SETD6: variants seen among roughly 807,000 people sequenced by gnomAD.
SETD6 encodes the protein SET domain containing 6, protein lysine methyltransferase.
SETD6 carries 67 observed loss-of-function variants against 52.7 expected under a neutral mutation model. The ratio of observed to expected loss-of-function variants is 1.27; its 90% CI spans 1.04 to 1.56. SETD6 has a LOEUF of 1.56. Ranked by LOEUF, SETD6 falls within the 40% of genes most tolerant of loss-of-function variation. The pLI, the probability that SETD6 is intolerant of heterozygous loss-of-function variation, is 0.00. For synonymous variants in SETD6, 307 were observed against 250.2 expected (o/e 1.23, Z -2.14); for missense variants, 712 against 607.5 (o/e 1.17, Z -1.81).
intron 5 of SETD6, chr16:58,517,167 T>A: frequency 1.8e-6 from 1 of 550,690 alleles, no homozygotes; most frequent in Non-Finnish European, 3.3e-6. Context: ...TGCTAGACAT[T>A]GAGTGGTCTG....
Position 58,518,171 on chromosome 16 carries a change from G to A in SETD6, c.913G>A (p.Asp305Asn), listed in dbSNP as rs1567376911. 5.6e-6 allele frequency: 9 copies of A among 1,614,196 alleles called. No individual in the cohort carries two copies. Among genetic ancestry groups the A allele is most frequent in the Non-Finnish European group, 6.8e-6 (8 of 1,180,046 alleles). Residue 305 changes from aspartate to asparagine, a missense_variant, in exon 6 of 8, where the codon GAC becomes AAC. Physicochemically the swap from Asp to Asn is conservative, Grantham distance 23. Coordinates refer to ENST00000219315, the MANE Select transcript of SETD6 (RefSeq NM_001160305.4). ...HMYGFVEPYP[D>N]NTDDTADIQM... ...GTACGGTTTTGTTGAACCATATCCT[G>A]ACAACACAGATGACACAGCTGACAT...
Position 58,518,849 on chromosome 16 carries a change from G to C in SETD6, c.1242G>C (p.Gln414His), listed in dbSNP as rs2039265413. Residue 414 changes from glutamine to histidine, a missense_variant, in exon 8 of 8, where the codon CAG becomes CAC. Physicochemically the swap from Gln to His is conservative, Grantham distance 24. Transcript: ENST00000219315. ...CCAAGCTCAAAGCATCGTGGAGACA[G>C]CTGCTTCAAAACAGTGTTCTACTGA... ...NIPKLKASWR[Q>H]LLQNSVLLTL... 3.1e-6 allele frequency: 5 copies of C among 1,614,190 alleles called. No individual in the cohort carries two copies. The highest frequency in any genetic ancestry group is 4.2e-6 in the Non-Finnish European group (5 of 1,180,036).
intron 5 of SETD6, chr16:58,517,138 A>T: frequency 1.5e-6 from 1 of 661,374 alleles, no homozygotes; most frequent in Non-Finnish European, 2.6e-6. Flanking sequence ...GATAAACTAT[A>T]CTACCATCAT....
intron 3 of SETD6, 35 bp from the exon 4 acceptor site, chr16:58,516,443 G>A: frequency 6.2e-7 from 1 of 1,613,446 alleles, no homozygotes; most frequent in East Asian, 2.2e-5. Flanking sequence ...GTGTGTGAAG[G>A]AATGAAGGGA....
Position 58,515,852 on chromosome 16 carries a change from G to A in SETD6, c.89G>A (p.Arg30Gln). The A allele has an allele frequency of 1.3e-6, 2 of 1,527,290 alleles. No individual in the cohort carries two copies. The highest frequency in any genetic ancestry group is 2.0e-5 in the Admixed American group (1 of 49,138). 94.6% of individuals were successfully genotyped at this position (1,527,290 alleles called of 1,614,324 possible). The change falls in exon 2 of 8, where the codon CGG (arginine) becomes CAG (glutamine). Residue 30 changes from arginine to glutamine, a missense_variant. Transcript: ENST00000219315. ...GTGGCCTGCTTCCTGAGCTGGTGCCGGCGGGTGGGGCTGGAGCTGAGTCCC... is the reference window on the plus strand; with the variant it reads ...GTGGCCTGCTTCCTGAGCTGGTGCCAGCGGGTGGGGCTGGAGCTGAGTCCC... Reference protein sequence around the residue: ...DPVACFLSWCRRVGLELSPKV... With the variant: ...DPVACFLSWCQRVGLELSPKV...
In SETD6 at chr16:58,515,946, T is replaced by G. The variant is rs1343623927; in HGVS notation, c.183T>G (p.Pro61=). 3 of 1,523,816 alleles carry G rather than the reference T, an allele frequency of 2.0e-6. No homozygotes were observed. The Admixed American group carries it at 6.0e-5, about 31-fold the overall frequency. The allele number at this position is 1,523,816 out of a possible 1,614,324, so 94.4% of individuals were successfully genotyped here. A position where few individuals can be genotyped will look rare whatever the true frequency, so the allele number is the denominator to read the frequency against. Residue 61 remains proline, a synonymous_variant, in exon 2 of 8, where the codon CCT becomes CCG. Coordinates refer to ENST00000219315, the MANE Select transcript of SETD6 (RefSeq NM_001160305.4). ...GGARAALTSP[P]AQVAVSRQGT... ...CGCGGGCTGCCCTGACCAGCCCTCCTGCTCAGGTGGCGGTCAGCCGGCAGG... is the reference window on the plus strand; with the variant it reads ...CGCGGGCTGCCCTGACCAGCCCTCCGGCTCAGGTGGCGGTCAGCCGGCAGG...
Position 58,518,897 on chromosome 16 carries a change from C to G in SETD6, c.1290C>G (p.Asp430Glu), listed in dbSNP as rs757163500. 8 of 1,614,036 alleles carry G rather than the reference C, an allele frequency of 5.0e-6. No homozygotes were observed. The highest frequency in any genetic ancestry group is 1.1e-5 in the South Asian group (1 of 91,084). ...VLLTLQTYATDLKTDQGLLSN... is the reference protein window; with the variant it reads ...VLLTLQTYATELKTDQGLLSN... Reference sequence around the variant, plus strand: ...TGACTTTGCAGACCTATGCCACAGACTTAAAAACTGACCAAGGTTTACTCA... The same window carrying G: ...TGACTTTGCAGACCTATGCCACAGAGTTAAAAACTGACCAAGGTTTACTCA... Residue 430 changes from aspartate to glutamate, a missense_variant, in exon 8 of 8, where the codon GAC becomes GAG. Physicochemically the swap from Asp to Glu is conservative, Grantham distance 45 (BLOSUM62 2). Coordinates refer to ENST00000219315, the MANE Select transcript of SETD6 (RefSeq NM_001160305.4).
Position 58,519,071 on chromosome 16 carries a change from T to C in SETD6, c.*42T>C. On this transcript the variant is annotated 3_prime_UTR_variant, in exon 8 of 8. Coordinates refer to ENST00000219315, the MANE Select transcript of SETD6 (RefSeq NM_001160305.4). Reference sequence around the variant, plus strand: ...TGAAGGAACAGCAATAAGAACTTTATTCTAAGCTAATACTCATTGATGTTT... The same window carrying C: ...TGAAGGAACAGCAATAAGAACTTTACTCTAAGCTAATACTCATTGATGTTT... The C allele has an allele frequency of 6.5e-7, 1 of 1,546,512 alleles. No individual in the cohort carries two copies. Among genetic ancestry groups the C allele is most frequent in the Middle Eastern group, 1.7e-4 (1 of 5,752 alleles).
At position 58,518,829 on chromosome 16, in the gene SETD6, C is replaced by T; in HGVS notation, c.1222C>T (p.Leu408Phe). Residue 408 changes from leucine (L) to phenylalanine (F), a missense_variant, in exon 8 of 8, where the codon CTC (leucine) becomes TTC (phenylalanine). Transcript: ENST00000219315. ...GSLTITNIPK[L>F]KASWRQLLQN... is the part of the protein sequence containing the mutation. ...CCTGACGATCACAAATATTCCCAAG[C>T]TCAAAGCATCGTGGAGACAGCTGCT... 2.5e-6 allele frequency: 4 copies of T among 1,614,176 alleles called. No homozygotes were observed. The highest frequency in any genetic ancestry group is 4.5e-5 in the East Asian group (2 of 44,876).
In SETD6 at chr16:58,522,306, T is replaced by G. The variant is rs2039423137; in HGVS notation, c.*3277T>G. Among the ~76,000 whole-genome samples the G allele has an allele frequency of 2.0e-5, 3 of 151,172 alleles. No individual in the cohort carries two copies. Among genetic ancestry groups the G allele is most frequent in the Admixed American group, 2.0e-4 (3 of 15,206 alleles). ...GTTCACATGTAAATTGGTAAAATTT[T>G]TCCGAATGCCAGTAAGCATTGGCTT... On this transcript the variant is annotated 3_prime_UTR_variant, in exon 8 of 8. Coordinates refer to ENST00000219315, the MANE Select transcript of SETD6 (RefSeq NM_001160305.4).
rs2039159467 is a variant in SETD6, at chr16:58,516,518, G to A, written c.517G>A (p.Val173Ile). ...CCGGTGCCTGCTCCAGGGCACAGGC[G>A]TACCTGAGGCCGTGGAGAAGGATTT... ...ERRCLLQGTGVPEAVEKDLAN... is the reference protein window; with the variant it reads ...ERRCLLQGTGIPEAVEKDLAN... The change falls in exon 4 of 8, where the codon GTA becomes ATA. Residue 173 changes from valine to isoleucine, a missense_variant. Coordinates refer to ENST00000219315, the MANE Select transcript of SETD6 (RefSeq NM_001160305.4). 1 of 1,614,108 alleles carries A rather than the reference G, an allele frequency of 6.2e-7. No individual in the cohort carries two copies. The highest frequency in any genetic ancestry group is 1.6e-4 in the Middle Eastern group (1 of 6,062).
At chr16:58,516,390 T>A (rs1567375154) in intron 3 of SETD6, 47 bp downstream of exon 3, 1 of 1,547,432 alleles carries the variant, frequency 6.5e-7, no homozygotes, top group East Asian at 2.5e-5. Flanking sequence ...CGTAGCCTGC[T>A]GCAAGAAGTT....
In SETD6 at chr16:58,518,885, C is replaced by G; in HGVS notation, c.1278C>G (p.Thr426=). The G allele has an allele frequency of 6.2e-7, 1 of 1,614,164 alleles. No homozygotes were observed. Among genetic ancestry groups the G allele is most frequent in the Non-Finnish European group, 8.5e-7 (1 of 1,180,032 alleles). Residue 426 remains threonine (T), a synonymous_variant, in exon 8 of 8, where the codon ACC becomes ACG. Coordinates refer to ENST00000219315, the MANE Select transcript of SETD6 (RefSeq NM_001160305.4). ...ACAGTGTTCTACTGACTTTGCAGAC[C>G]TATGCCACAGACTTAAAAACTGACC... ...LQNSVLLTLQ[T]YATDLKTDQG... is the part of the protein sequence containing the mutation.
chr16:58,518,827 A>C lies in SETD6; in HGVS notation c.1220A>C (p.Lys407Thr). 1 of 1,614,226 alleles carries C rather than the reference A, an allele frequency of 6.2e-7. No individual in the cohort carries two copies. ...AGCCTGACGATCACAAATATTCCCAAGCTCAAAGCATCGTGGAGACAGCTG... is the reference window on the plus strand; with the variant it reads ...AGCCTGACGATCACAAATATTCCCACGCTCAAAGCATCGTGGAGACAGCTG... The part of the protein sequence containing the change: ...EGSLTITNIP[K>T]LKASWRQLLQ... Residue 407 changes from lysine to threonine, a missense_variant, in exon 8 of 8, where the codon AAG (lysine) becomes ACG (threonine). Transcript: ENST00000219315.
chr16:58,515,975 CGGTGGCCGGCTACGGCAT>C lies in SETD6; in HGVS notation c.220_237del (p.Gly74_Ala79del), dbSNP rs1393383555. On this transcript the variant is annotated inframe_deletion, in exon 2 of 8. Transcript: ENST00000219315. The stretch of plus-strand genomic sequence containing the variant: ...CAGGTGGCGGTCAGCCGGCAGGGCA[CGGTGGCCGGCTACGGCAT>C]GGTGGCCCGGGAGAGCGTGCAGGCC... 6 of 1,535,558 alleles carry C rather than the reference CGGTGGCCGGCTACGGCAT, an allele frequency of 3.9e-6. No individual in the cohort carries two copies. In the Admixed American group the frequency reaches 7.9e-5, roughly 20 times the overall value.
intron 1 of SETD6, 63 bp from the exon 2 acceptor site, chr16:58,515,728 C>T (rs1262110946): frequency 1.4e-6 from 2 of 1,411,910 alleles, no homozygotes; most frequent in Non-Finnish European, 9.2e-7. Context: ...GCGCCGCGGT[C>T]TCCTGCAGTT....
In SETD6 at chr16:58,515,880, G is replaced by A. The variant is rs764971166; in HGVS notation, c.117G>A (p.Lys39=). The change falls in exon 2 of 8, where the codon AAG becomes AAA. Residue 39 remains lysine (K), a synonymous_variant. Transcript: ENST00000219315. ...GGGTGGGGCTGGAGCTGAGTCCCAAGGTGAGCGAGCGAGCCGGCGGGCGGA... is the reference window on the plus strand; with the variant it reads ...GGGTGGGGCTGGAGCTGAGTCCCAAAGTGAGCGAGCGAGCCGGCGGGCGGA... ...CRRVGLELSP[K]VSERAGGRRT... 5 of 1,520,624 alleles carry A rather than the reference G, an allele frequency of 3.3e-6. No homozygotes were observed. The highest frequency in any genetic ancestry group is 1.4e-5 in the African/African-American group (1 of 69,482). The allele number at this position is 1,520,624 out of a possible 1,614,324, so 94.2% of individuals were successfully genotyped here. A position where few individuals can be genotyped will look rare whatever the true frequency, so the allele number is the denominator to read the frequency against.
chr16:58,515,619 T>A, intron 1 of SETD6, 55 bp downstream of exon 1: 1 of 1,450,646 alleles, frequency 6.9e-7, no homozygotes, highest in East Asian at 2.8e-5. Flanking sequence ...CCCTTCTCCG[T>A]TCGCAGAACC....
chr16:58,516,772 C>T, intron 4 of SETD6, 36 bp from the exon 5 acceptor site: 2 of 1,613,576 alleles, frequency 1.2e-6, no homozygotes, highest in Non-Finnish European at 1.7e-6. Context: ...GTCCCTCACC[C>T]AAGACAGGGC....
Sources: gnomAD v4.1 joint callset for allele counts (sites outside exome capture counted in the v4.1 genomes callset) on GRCh38, gnomAD v4.1.1 for gene constraint, MANE v1.5 for transcripts, NCBI Gene and HGNC (gene_info 2026-07-23, HGNC 2026-07-21) for gene names.